DDX11: variants seen among roughly 807,000 people sequenced by gnomAD.
The protein encoded by DDX11 is ATP-dependent DNA helicase DDX11.
A neutral mutation model predicts 125.2 loss-of-function variants in DDX11; 72 were observed. The observed-to-expected ratio is 0.58, with a 90% CI of 0.48 to 0.70. The LOEUF (loss-of-function observed/expected upper bound fraction) is 0.70, where lower values mean the gene tolerates loss of function less well. Among genes scored for constraint, DDX11 ranks in the 30% least tolerant of loss-of-function variants. The probability of loss-of-function intolerance (pLI) is 0.00; values close to 1 mark genes in which losing one functional copy is unlikely to be tolerated. For missense variants in DDX11, 883 were observed against 1,165.0 expected (o/e 0.76, Z 3.52); for synonymous variants, 347 against 452.6 (o/e 0.77, Z 2.96).
rs17857386 is a variant in DDX11 at position 31,096,952 on chromosome 12, C to T, written c.1724C>T (p.Thr575Met). ...CAAGGCTTCCTGGCAGCTCTCACTA[C>T]GGCCAACCAGGACGGCAGGGTCATC... ...HIQGFLAALT[T>M]ANQDGRVILS... The change falls in exon 17 of 27, where the codon ACG becomes ATG. Residue 575 changes from threonine (T) to methionine (M), a missense_variant. Coordinates refer to ENST00000542838, the MANE Select transcript of DDX11 (RefSeq NM_030653.4). The T allele has an allele frequency of 3.0e-5, 48 of 1,613,912 alleles. No homozygotes were observed. Among genetic ancestry groups the T allele is most frequent in the African/African-American group, 1.1e-4 (8 of 74,918 alleles).
intron 14 of DDX11, among the ~76,000 whole-genome samples, chr12:31,095,302 C>T (rs1945030221): frequency 6.6e-6 from 1 of 152,188 alleles, no homozygotes; most frequent in African/African-American, 2.4e-5. Flanking sequence ...CAGTGACTGC[C>T]CCCGGGTACA....
At position 31,094,878 on chromosome 12, in the gene DDX11, G is replaced by A. The variant is rs1387850298; in HGVS notation, c.1482+56G>A. Reference sequence around the variant, plus strand: ...TCCAATTTCCTTCCTGTCACCACCTGTGGGTAAAGTACTATGTTAAGACTG... The same window carrying A: ...TCCAATTTCCTTCCTGTCACCACCTATGGGTAAAGTACTATGTTAAGACTG... On this transcript the variant is annotated intron_variant, in intron 14 of 26. Transcript: ENST00000542838. 5.7e-6 allele frequency: 9 copies of A among 1,586,318 alleles called. No homozygotes were observed. The African/African-American group carries it at 9.4e-5, about 17-fold the overall frequency.
At chr12:31,083,081 A>AG (rs1172194109) in intron 2 of DDX11, among the ~76,000 whole-genome samples, 2 of 152,168 alleles carry the variant, frequency 1.3e-5, no homozygotes, top group African/African-American at 4.8e-5. Context: ...ATTTCAACAC[A>AG]GGAATTTGGA....
At chr12:31,076,450 C>T (rs141536178) in intron 1 of DDX11, among the ~76,000 whole-genome samples, 2,021 of 144,458 alleles carry the variant, frequency 0.014, 45 homozygotes, top group African/African-American at 0.051. Flanking sequence ...GTGAACCTCC[C>T]TTCAGTGAAC....
In DDX11 at chr12:31,074,111, C is replaced by G. The variant is rs1010309059; in HGVS notation, c.-5+20C>G. The G allele has an allele frequency of 6.6e-6, 1 of 152,180 alleles. No individual in the cohort carries two copies. The highest frequency in any genetic ancestry group is 6.5e-5 in the Admixed American group (1 of 15,284). 9.4% of individuals were successfully genotyped at this position (152,180 alleles called of 1,614,324 possible). On this transcript the variant is annotated intron_variant, in intron 1 of 26. Transcript: ENST00000542838. ...GCAAAGGTGGGTGGCCCGTCCGGAG[C>G]GGGAAAACATTCCGGAAGTGGAGGG...
At chr12:31,076,162 G>A (rs534861145) in intron 1 of DDX11, among the ~76,000 whole-genome samples, 1 of 152,304 alleles carries the variant, frequency 6.6e-6, no homozygotes, top group South Asian at 2.1e-4. Context: ...GAGGAGACAT[G>A]AAGACTTTTT....
intron 18 of DDX11, among the ~76,000 whole-genome samples, chr12:31,100,064 G>A (rs61918668): frequency 9.2e-5 from 14 of 151,862 alleles, no homozygotes; most frequent in African/African-American, 2.9e-4. Context: ...ATAGGCAGGC[G>A]CATGATTACA....
chr12:31,102,918 CTT>C lies in DDX11; in HGVS notation c.2373-17_2373-16del, dbSNP rs912555521. On this transcript the variant is annotated splice_polypyrimidine_tract_variant and intron_variant, in intron 23 of 26. Coordinates refer to ENST00000542838, the MANE Select transcript of DDX11 (RefSeq NM_030653.4). ...GGTCCTGACGTCCACCTGCTGGGCT[CTT>C]GTCTCCCCCGCCCAGGTGTGTGGTG... 2 of 1,613,572 alleles carry C rather than the reference CTT, an allele frequency of 1.2e-6. No homozygotes were observed. Among genetic ancestry groups the C allele is most frequent in the African/African-American group, 2.7e-5 (2 of 74,914 alleles).
Position 31,085,141 on chromosome 12 carries a change from G to A in DDX11, c.638+15G>A, listed in dbSNP as rs4931428. On this transcript the variant is annotated intron_variant, in intron 5 of 26. Coordinates refer to ENST00000542838, the MANE Select transcript of DDX11 (RefSeq NM_030653.4). The stretch of plus-strand genomic sequence containing the variant: ...GTGGCGAGCAGGTGAGACAGAGGCG[G>A]TAGCACTACCCTGCCCCAGGCCAGG... The A allele has an allele frequency of 0.47, 713,888 of 1,530,774 alleles. 164,215 individuals are homozygous for A. The highest frequency in any genetic ancestry group is 0.77 in the East Asian group (28,561 of 37,282). 94.8% of individuals were successfully genotyped at this position (1,530,774 alleles called of 1,614,324 possible).
chr12:31,085,690 C>T (rs1942997393), intron 5 of DDX11, among the ~76,000 whole-genome samples: 1 of 152,234 alleles, frequency 6.6e-6, no homozygotes, highest in Admixed American at 6.5e-5. Flanking sequence ...CTGGTCACAG[C>T]CCTGTTCCCA....
rs759877549 is a variant in DDX11 at position 31,091,726 on chromosome 12, T to C, written c.1097T>C (p.Val366Ala). Residue 366 changes from valine (V) to alanine (A), a missense_variant, in exon 10 of 27, where the codon GTG (valine) becomes GCG (alanine). This residue lies in a region of DDX11 where 72 missense variants were observed against 159.7 expected (regional missense o/e 0.45). Coordinates refer to ENST00000542838, the MANE Select transcript of DDX11 (RefSeq NM_030653.4). The part of the protein sequence containing the change: ...RLAIPAAQLV[V>A]LPYQMLLHAA... ...CCTCATCTCCCCTCCCAGCTGGTGG[T>C]GCTGCCCTATCAGATGCTGCTGCAT... 6.2e-7 allele frequency: 1 copy of C among 1,612,276 alleles called. No homozygotes were observed. Among genetic ancestry groups the C allele is most frequent in the Admixed American group, 1.7e-5 (1 of 59,904 alleles).
rs1413119828 is a variant in DDX11 at position 31,077,744 on chromosome 12, T to C, written c.-4-646T>C. On this transcript the variant is annotated intron_variant, in intron 1 of 26. Transcript: ENST00000542838. ...CTGTAGTCCCAGCTACTCGGGAGGC[T>C]GAGGCAGGAGAATGGTGTGAACCCG... Among the ~76,000 whole-genome samples the C allele has an allele frequency of 3.3e-5, 5 of 150,894 alleles. No homozygotes were observed. In the Admixed American group the frequency reaches 3.3e-4, roughly 10 times the overall value.
chr12:31,086,025 G>A, intron 5 of DDX11: 1 of 454,324 alleles, frequency 2.2e-6, no homozygotes. Flanking sequence ...CTGTCTGCAG[G>A]GCGCCTTCTG....
At position 31,088,048 on chromosome 12, in the gene DDX11, A is replaced by G. The variant is rs1292191067; in HGVS notation, c.684+65A>G. 4.4e-6 allele frequency: 7 copies of G among 1,594,116 alleles called. No homozygotes were observed. In the Admixed American group the frequency reaches 1.2e-4, roughly 28 times the overall value. ...TAGGCTGGGCTGTGCACCCCTGGGG[A>G]GGAGGCTGGAGTCACTTGGCTACTT... On this transcript the variant is annotated intron_variant, in intron 6 of 26. Transcript: ENST00000542838.
chr12:31,090,692 C>T (rs187745867), intron 9 of DDX11, among the ~76,000 whole-genome samples: 2 of 152,314 alleles, frequency 1.3e-5, no homozygotes, highest in Non-Finnish European at 2.9e-5. Context: ...TTCCTTGCTA[C>T]TTCTTTAATT....
Position 31,103,635 on chromosome 12 carries a change from T to C in DDX11, c.2595T>C (p.Tyr865=), listed in dbSNP as rs3893679. The C allele has an allele frequency of 2.0e-5, 33 of 1,614,008 alleles. No individual in the cohort carries two copies. The highest frequency in any genetic ancestry group is 4.0e-5 in the African/African-American group (3 of 74,910). The part of the protein sequence containing the change: ...FASVVLLDQR[Y]ARPPVLAKLP... ...GCGTAGTGCTCCTGGACCAGCGATA[T>C]GCCCGGCCCCCTGTCCTGGCCAAGC... is the stretch of plus-strand genomic sequence containing the variant. Residue 865 remains tyrosine, a synonymous_variant, in exon 26 of 27, where the codon TAT becomes TAC. Transcript: ENST00000542838.
chr12:31,081,232 G>A (rs967708895), intron 2 of DDX11, among the ~76,000 whole-genome samples: 6 of 152,128 alleles, frequency 3.9e-5, no homozygotes, highest in African/African-American at 1.2e-4. Flanking sequence ...TATTACCTTT[G>A]ACATTCTTCT....
Position 31,098,845 on chromosome 12 carries a change from G to A in DDX11, c.1875+848G>A, listed in dbSNP as rs564959406. 6.6e-5 allele frequency among the ~76,000 whole-genome samples: 10 copies of A among 152,150 alleles called. No individual in the cohort carries two copies. The East Asian group carries it at 1.5e-3, about 23-fold the overall frequency. ...CTTCCTGCTAGCTCAGGTCCTCCCC[G>A]TGGCCCGGTCAGTCTCGCCTCCAGC... On this transcript the variant is annotated intron_variant, in intron 18 of 26. Coordinates refer to ENST00000542838, the MANE Select transcript of DDX11 (RefSeq NM_030653.4).
rs1322382587 is a variant in DDX11, at chr12:31,096,969, A to G, written c.1741A>G (p.Arg581Gly). The G allele has an allele frequency of 1.2e-6, 2 of 1,613,836 alleles. No homozygotes were observed. Among genetic ancestry groups the G allele is most frequent in the African/African-American group, 2.7e-5 (2 of 75,042 alleles). Residue 581 changes from arginine (R) to glycine (G), a missense_variant, in exon 17 of 27, where the codon AGG becomes GGG. By Grantham distance (125) the Arg-to-Gly change is moderately radical. Around this residue, in one of 5 missense-constraint regions of DDX11, gnomAD observed 241 missense variants for 279.7 expected, o/e 0.86. Transcript: ENST00000542838. ...AALTTANQDG[R>G]VILSRQGSLS... ...TCTCACTACGGCCAACCAGGACGGCAGGGTCATCCTGAGCCGCCAAGGTAA... is the reference window on the plus strand; with the variant it reads ...TCTCACTACGGCCAACCAGGACGGCGGGGTCATCCTGAGCCGCCAAGGTAA...
Sources: allele counts gnomAD v4.1 joint callset (sites outside exome capture counted in the v4.1 genomes callset), GRCh38; gene constraint gnomAD v4.1.1; regional missense constraint gnomAD v4.1.1; transcripts MANE v1.5; gene names NCBI Gene and HGNC (gene_info 2026-07-23, HGNC 2026-07-21).